The following RP2 variants were observed in gnomAD, a reference collection of about 807,000 sequenced individuals.
RP2 encodes RP2 activator of ARL3 GTPase.
A neutral mutation model predicts 20.3 loss-of-function variants in RP2; 3 were observed. That is an observed-to-expected ratio of 0.15 (90% CI 0.07 to 0.38). The LOEUF is 0.38. Among genes scored for constraint, RP2 ranks in the 10% least tolerant of loss-of-function variants. RP2 has a pLI of 1.00. For missense variants in RP2, 233 were observed against 268.5 expected, an observed-to-expected ratio of 0.87 and a Z score of 0.92; for synonymous variants, 75 against 94.8, an observed-to-expected ratio of 0.79 and a Z score of 1.22.
At chrX:46,847,766 ATGTGTGTGTG>A (rs1271483653) in intron 1 of RP2, among the ~76,000 whole-genome samples, 1 of 60,306 alleles carries the variant, frequency 1.7e-5, no homozygotes, top group African/African-American at 8.4e-5. Context: ...ATATACACAC[ATGTGTGTGTG>A]TACATACACA....
chrX:46,839,957 T>A (rs1392579684), intron 1 of RP2, among the ~76,000 whole-genome samples: 2 of 112,028 alleles, frequency 1.8e-5, no homozygotes, highest in Admixed American at 9.5e-5. Flanking sequence ...CCTTAGGTTG[T>A]GTAATCAGAG....
At chrX:46,855,438 A>G (rs1455093701) in intron 2 of RP2, among the ~76,000 whole-genome samples, 1 of 110,924 alleles carries the variant, frequency 9.0e-6, no homozygotes, top group Non-Finnish European at 1.9e-5. Context: ...AAACTTAAAG[A>G]CATAGAGAAG....
At chrX:46,873,590 TGAAAAGA>T (rs1556327172) in intron 3 of RP2, among the ~76,000 whole-genome samples, 32 of 111,599 alleles carry the variant, frequency 2.9e-4, no homozygotes, top group Non-Finnish European at 5.5e-4. Context: ...TTAATACATA[TGAAAAGA>T]ATGCATAAAC....
intron 1 of RP2, among the ~76,000 whole-genome samples, chrX:46,847,499 C>T (rs185675976): frequency 1.9e-5 from 2 of 106,138 alleles, no homozygotes; most frequent in African/African-American, 3.4e-5. Flanking sequence ...GGCGCGATCT[C>T]GGTTCACTGC....
intron 3 of RP2, among the ~76,000 whole-genome samples, chrX:46,864,540 A>G (rs917437857): frequency 1.8e-5 from 2 of 109,261 alleles, no homozygotes; most frequent in East Asian, 5.8e-4. Flanking sequence ...CCTCCTGGGT[A>G]GCTGGGACTA....
At chrX:46,879,499 A>G (rs781902223) in intron 4 of RP2, among the ~76,000 whole-genome samples, 187 bp from the exon 5 acceptor site, 1 of 111,549 alleles carries the variant, frequency 9.0e-6, no homozygotes, top group African/African-American at 3.2e-5. Flanking sequence ...AATTTACATT[A>G]TAGCTATTCA....
At chrX:46,851,520 C>T (rs1924858877) in intron 1 of RP2, among the ~76,000 whole-genome samples, 1 of 110,491 alleles carries the variant, frequency 9.1e-6, no homozygotes, top group South Asian at 3.9e-4. Context: ...CCTGTAATCC[C>T]AGCTACTCAG....
chrX:46,837,841 G>C (rs1456634178), intron 1 of RP2, among the ~76,000 whole-genome samples: 1 of 112,329 alleles, frequency 8.9e-6, no homozygotes, highest in South Asian at 3.6e-4. Flanking sequence ...TATTAAGACT[G>C]TAAGGTGAAA....
At chrX:46,848,566 T>A (rs1924800571) in intron 1 of RP2, among the ~76,000 whole-genome samples, 1 of 107,394 alleles carries the variant, frequency 9.3e-6, no homozygotes. Context: ...GTATTTTTAG[T>A]AGAGACGGGG....
At chrX:46,847,798 G>GTATATACACACATATGTGTGTGTA (rs1924775409) in intron 1 of RP2, among the ~76,000 whole-genome samples, 1 of 77,283 alleles carries the variant, frequency 1.3e-5, no homozygotes, top group African/African-American at 5.6e-5. Flanking sequence ...ATGTGTGTGT[G>GTATATACACACATATGTGTGTGTA]TATATATATA....
At chrX:46,871,014 C>A (rs1303669560) in intron 3 of RP2, among the ~76,000 whole-genome samples, 1 of 102,804 alleles carries the variant, frequency 9.7e-6, no homozygotes. Flanking sequence ...CACAGCCACG[C>A]TCATTCCTTT....
At chrX:46,868,785 CAA>C (rs142957575) in intron 3 of RP2, among the ~76,000 whole-genome samples, 12 of 43,432 alleles carry the variant, frequency 2.8e-4, no homozygotes, top group Non-Finnish European at 1.7e-4. Flanking sequence ...TACTCCATCT[CAA>C]AAAAAAAAAA....
chrX:46,874,315 TACAC>T (rs200313106), intron 3 of RP2, among the ~76,000 whole-genome samples: 2 of 111,777 alleles, frequency 1.8e-5, no homozygotes, highest in Admixed American at 9.6e-5. Flanking sequence ...CTAACTTAAA[TACAC>T]ACACACACTA....
chrX:46,877,179 T>A (rs1437400861), intron 3 of RP2, among the ~76,000 whole-genome samples: 2 of 112,378 alleles, frequency 1.8e-5, no homozygotes, highest in Non-Finnish European at 3.7e-5. Flanking sequence ...TTATCAACTA[T>A]TTTTATACTC....
At chrX:46,852,275 G>A (rs111352762) in intron 1 of RP2, among the ~76,000 whole-genome samples, 3,621 of 111,258 alleles carry the variant, frequency 0.033, 70 homozygotes, top group Middle Eastern at 0.07. Context: ...AGGGAGGAAG[G>A]AAGGAAGGAA....
chrX:46,860,217 G>GT (rs1255030755), intron 3 of RP2, 115 bp downstream of exon 3: 27 of 539,260 alleles, frequency 5.0e-5, no homozygotes, highest in African/African-American at 7.1e-5. Flanking sequence ...TTTGTTCTTT[G>GT]TTTTTTTTCT....
chrX:46,868,301 G>T (rs1321839574), intron 3 of RP2, among the ~76,000 whole-genome samples: 1 of 110,191 alleles, frequency 9.1e-6, no homozygotes, highest in Non-Finnish European at 1.9e-5. Flanking sequence ...GAGGCAGGAG[G>T]ATTGCTTGAG....
chrX:46,843,596 C>T (rs1924663338), intron 1 of RP2, among the ~76,000 whole-genome samples: 1 of 111,669 alleles, frequency 9.0e-6, no homozygotes, highest in Admixed American at 9.6e-5. Flanking sequence ...TTGCTAGAAA[C>T]ATTCAGGCAA....
intron 1 of RP2, among the ~76,000 whole-genome samples, chrX:46,840,795 A>G (rs1602343694): frequency 8.9e-6 from 1 of 112,520 alleles, no homozygotes; most frequent in South Asian, 3.6e-4. Context: ...TTCCTCCTAG[A>G]TAATAGAAAT....
Sources: allele counts gnomAD v4.1 joint callset (sites outside exome capture counted in the v4.1 genomes callset), GRCh38; gene constraint gnomAD v4.1.1; transcripts MANE v1.5; gene names NCBI Gene and HGNC (gene_info 2026-07-23, HGNC 2026-07-21).